Variants in LMNB1 observed in about 807,000 individuals in gnomAD.
The protein encoded by LMNB1 is lamin-B1.
LMNB1 carries 23 observed loss-of-function variants against 67.1 expected under a neutral mutation model. That is an observed-to-expected ratio of 0.34 (90% CI 0.25 to 0.49). LMNB1 has a LOEUF of 0.49. LMNB1 is among the 20% of genes least tolerant of loss of function. The pLI is 0.99. For missense variants in LMNB1, 634 were observed against 746.5 expected (o/e 0.85, Z 1.76); for synonymous variants, 281 against 282.9 (o/e 0.99, Z 0.07).
At chr5:126,822,095 A>G (rs1751885088) in intron 7 of LMNB1, among the ~76,000 whole-genome samples, 2 of 149,106 alleles carry the variant, frequency 1.3e-5, no homozygotes, top group Non-Finnish European at 3.0e-5. Context: ...TCTTGGGTTC[A>G]AGAGATTCTC....
chr5:126,822,432 C>A (rs1751892230), intron 7 of LMNB1, among the ~76,000 whole-genome samples: 2 of 152,132 alleles, frequency 1.3e-5, no homozygotes, highest in Admixed American at 1.3e-4. Context: ...TGAAGTAATC[C>A]AATACTTGAT....
intron 1 of LMNB1, among the ~76,000 whole-genome samples, chr5:126,780,981 T>A (rs1750620282): frequency 6.6e-6 from 1 of 151,902 alleles, no homozygotes; most frequent in South Asian, 2.1e-4. Flanking sequence ...TGTGTACTGA[T>A]GTCCTGTAAC....
intron 1 of LMNB1, among the ~76,000 whole-genome samples, chr5:126,803,615 C>T (rs1452501876): frequency 6.6e-6 from 1 of 151,676 alleles, no homozygotes; most frequent in African/African-American, 2.4e-5. Flanking sequence ...GGTGCGGTCT[C>T]GGCTCACTGC....
chr5:126,818,803 TGAGTTAGA>T (rs1318823761), intron 5 of LMNB1, 111 bp from the exon 6 acceptor site: 10 of 711,420 alleles, frequency 1.4e-5, no homozygotes, highest in Middle Eastern at 7.2e-4. Flanking sequence ...TGAATTCTAG[TGAGTTAGA>T]GATTCCATAG....
At chr5:126,835,938 C>T (rs939599179) in intron 10 of LMNB1, among the ~76,000 whole-genome samples, 7 of 152,062 alleles carry the variant, frequency 4.6e-5, no homozygotes, top group Admixed American at 3.9e-4. Context: ...CGCAGCTGCT[C>T]GGGAGGCTGA....
chr5:126,805,457 T>C, intron 2 of LMNB1, 114 bp from the exon 3 acceptor site: 1 of 710,314 alleles, frequency 1.4e-6, no homozygotes, highest in Non-Finnish European at 2.3e-6. Context: ...AATTATACAT[T>C]GATAAATATA....
At chr5:126,783,320 T>A (rs1750677065) in intron 1 of LMNB1, among the ~76,000 whole-genome samples, 1 of 151,804 alleles carries the variant, frequency 6.6e-6, no homozygotes, top group African/African-American at 2.4e-5. Context: ...ACAGTATACA[T>A]CTTGGCCTTA....
In LMNB1 at chr5:126,832,764, C is replaced by T. The variant is rs1561756533; in HGVS notation, c.1682C>T (p.Ala561Val). ...GAAGAGGAGGAGGAGGAAGAAGCAG[C>T]TGGAGTGGTTGTTGAGGAAGAACTT... Reference protein sequence around the residue: ...PEEEEEEEEAAGVVVEEELFH... With the variant: ...PEEEEEEEEAVGVVVEEELFH... The change falls in exon 10 of 11, where the codon GCT (alanine) becomes GTT (valine). Residue 561 changes from alanine to valine, a missense_variant. Ala to Val is a moderately conservative substitution (Grantham distance 64). Transcript: ENST00000261366. 1 of 1,612,316 alleles carries T rather than the reference C, an allele frequency of 6.2e-7. No individual in the cohort carries two copies. The highest frequency in any genetic ancestry group is 1.1e-5 in the South Asian group (1 of 90,874).
chr5:126,784,174 G>A (rs1313051744), intron 1 of LMNB1, among the ~76,000 whole-genome samples: 4 of 150,030 alleles, frequency 2.7e-5, no homozygotes, highest in Admixed American at 1.3e-4. Flanking sequence ...ACAGGCATGC[G>A]CCACTACACC....
chr5:126,778,346 C>T (rs992076173), intron 1 of LMNB1, among the ~76,000 whole-genome samples: 1 of 152,180 alleles, frequency 6.6e-6, no homozygotes, highest in African/African-American at 2.4e-5. Flanking sequence ...CAGCCCGCCT[C>T]TAGAATGAAT....
At chr5:126,778,371 C>G (rs1750533401) in intron 1 of LMNB1, among the ~76,000 whole-genome samples, 1 of 152,160 alleles carries the variant, frequency 6.6e-6, no homozygotes, top group Non-Finnish European at 1.5e-5. Flanking sequence ...TTCGCGCGGG[C>G]AGAGAGAGGA....
chr5:126,787,546 A>ATATATTTTTTTTTTTTTTTTTTTTT, intron 1 of LMNB1, among the ~76,000 whole-genome samples: 1 of 65,584 alleles, frequency 1.5e-5, no homozygotes, highest in Non-Finnish European at 2.7e-5. Flanking sequence ...ATATATATAT[A>ATATATTTTTTTTTTTTTTTTTTTTT]TTTTTTTTTT....
In LMNB1 at chr5:126,825,937, G is replaced by A. The variant is rs3763156; in HGVS notation, c.1492-51G>A. ...GTCTCATCGCATTGCTGTCGTTGGCGTGTGGGAGAACTGGGTTCTGGGTGT... is the reference window on the plus strand; with the variant it reads ...GTCTCATCGCATTGCTGTCGTTGGCATGTGGGAGAACTGGGTTCTGGGTGT... On this transcript the variant is annotated intron_variant, in intron 8 of 10. Coordinates refer to ENST00000261366, the MANE Select transcript of LMNB1 (RefSeq NM_005573.4). 0.098 allele frequency: 157,834 copies of A among 1,609,568 alleles called. 8,198 individuals are homozygous for A. The highest frequency in any genetic ancestry group is 0.11 in the Non-Finnish European group (126,046 of 1,177,776).
At chr5:126,827,284 A>G (rs1197163423) in intron 9 of LMNB1, among the ~76,000 whole-genome samples, 2 of 152,230 alleles carry the variant, frequency 1.3e-5, no homozygotes, top group Non-Finnish European at 2.9e-5. Flanking sequence ...GGTTTCTGGC[A>G]TCATGGAGCC....
intron 3 of LMNB1, among the ~76,000 whole-genome samples, chr5:126,808,390 T>C (rs757630490): frequency 1.4e-5 from 2 of 148,134 alleles, no homozygotes; most frequent in Non-Finnish European, 3.0e-5. Context: ...AGTAATACCA[T>C]GTTGGCCAGG....
chr5:126,784,883 C>T (rs1750728441), intron 1 of LMNB1, among the ~76,000 whole-genome samples: 1 of 128,890 alleles, frequency 7.8e-6, no homozygotes, highest in African/African-American at 3.0e-5. Flanking sequence ...GGGATGGGCT[C>T]GATCTCCTGA....
chr5:126,802,811 A>C (rs1751318453), intron 1 of LMNB1, among the ~76,000 whole-genome samples: 1 of 152,166 alleles, frequency 6.6e-6, no homozygotes, highest in South Asian at 2.1e-4. Context: ...AGAAATACTG[A>C]CCTTTAAAAT....
rs766195372 is a variant in LMNB1, at chr5:126,832,767, G to A, written c.1685G>A (p.Gly562Glu). ...EEEEEEEEAA[G>E]VVVEEELFHQ... ...GAGGAGGAGGAGGAAGAAGCAGCTGGAGTGGTTGTTGAGGAAGAACTTTTC... is the reference window on the plus strand; with the variant it reads ...GAGGAGGAGGAGGAAGAAGCAGCTGAAGTGGTTGTTGAGGAAGAACTTTTC... Residue 562 changes from glycine (G) to glutamate (E), a missense_variant, in exon 10 of 11, where the codon GGA becomes GAA. By Grantham distance (98) the Gly-to-Glu change is moderately conservative. Coordinates refer to ENST00000261366, the MANE Select transcript of LMNB1 (RefSeq NM_005573.4). 1 of 1,612,286 alleles carries A rather than the reference G, an allele frequency of 6.2e-7. No homozygotes were observed. Among genetic ancestry groups the A allele is most frequent in the South Asian group, 1.1e-5 (1 of 90,848 alleles).
chr5:126,778,727 C>A (rs542832310), intron 1 of LMNB1, among the ~76,000 whole-genome samples: 1 of 150,282 alleles, frequency 6.7e-6, no homozygotes, highest in African/African-American at 2.4e-5. Flanking sequence ...CAGCTTTTGC[C>A]TCCTCGTAGT....
Sources: gnomAD v4.1 joint callset for allele counts (sites outside exome capture counted in the v4.1 genomes callset) on GRCh38, gnomAD v4.1.1 for gene constraint, MANE v1.5 for transcripts, NCBI Gene and HGNC (gene_info 2026-07-23, HGNC 2026-07-21) for gene names.